Variants in RIPK2 observed in about 807,000 individuals in gnomAD.
The protein encoded by RIPK2 is receptor-interacting serine/threonine-protein kinase 2.
A neutral mutation model predicts 60.9 loss-of-function variants in RIPK2; 38 were observed. That is an observed-to-expected ratio of 0.62 (90% CI 0.48 to 0.82). The LOEUF is 0.82. Ranked by LOEUF, RIPK2 falls within the 40% of genes least tolerant of loss-of-function variation. RIPK2 has a pLI of 0.00. For synonymous variants in RIPK2, 225 were observed against 223.4 expected (o/e 1.01, Z -0.06); for missense variants, 518 against 647.0 (o/e 0.80, Z 2.16).
Position 89,788,777 on chromosome 8 carries a change from TAAGA to T in RIPK2, c.1124-539_1124-536del, listed in dbSNP as rs1366531933. ...TGGGTGGCAAAAGCAAAACTCCATC[TAAGA>T]AAGAGAGAGAGACAGAGAGAGAGAG... On this transcript the variant is annotated intron_variant, in intron 9 of 10. Coordinates refer to ENST00000220751, the MANE Select transcript of RIPK2 (RefSeq NM_003821.6). Among the ~76,000 whole-genome samples the T allele has an allele frequency of 1.2e-4, 17 of 146,160 alleles. No homozygotes were observed. The South Asian group carries it at 1.5e-3, about 13-fold the overall frequency.
chr8:89,777,579 G>A lies in RIPK2; in HGVS notation c.854-2496G>A, dbSNP rs2130569970. ...AGCTTTGTATCTAATAGTACAGTGT[G>A]AGTGTGTGTGTGTGTGTGTTTAATT... On this transcript the variant is annotated intron_variant, in intron 6 of 10. Coordinates refer to ENST00000220751, the MANE Select transcript of RIPK2 (RefSeq NM_003821.6). 5.3e-5 allele frequency among the ~76,000 whole-genome samples: 5 copies of A among 93,612 alleles called. No homozygotes were observed. In the South Asian group the frequency reaches 1.3e-3, roughly 24 times the overall value. 61.4% of individuals were successfully genotyped at this position (93,612 alleles called of 152,430 possible).
At chr8:89,762,222 T>G (rs1809158154) in intron 1 of RIPK2, among the ~76,000 whole-genome samples, 1 of 152,098 alleles carries the variant, frequency 6.6e-6, no homozygotes, top group African/African-American at 2.4e-5. Flanking sequence ...TACATATGAA[T>G]AAACAAATGA....
At position 89,786,632 on chromosome 8, in the gene RIPK2, TCTC is replaced by T. The variant is rs768228896; in HGVS notation, c.1072_1074del (p.Pro358del). The T allele has an allele frequency of 2.0e-5, 32 of 1,602,738 alleles. No homozygotes were observed. Among genetic ancestry groups the T allele is most frequent in the Non-Finnish European group, 2.6e-5 (31 of 1,172,328 alleles). On this transcript the variant is annotated inframe_deletion, in exon 9 of 11. Coordinates refer to ENST00000220751, the MANE Select transcript of RIPK2 (RefSeq NM_003821.6). ...CTCTCAGCTCCATGAAAATAGTGGTTCTCCTGAAACTTCAAGGTCCCTGCCAGC... is the reference window on the plus strand; with the variant it reads ...CTCTCAGCTCCATGAAAATAGTGGTTCTGAAACTTCAAGGTCCCTGCCAGC...
At chr8:89,779,706 T>C (rs1179553904) in intron 6 of RIPK2, among the ~76,000 whole-genome samples, 5 of 152,206 alleles carry the variant, frequency 3.3e-5, no homozygotes, top group Admixed American at 2.0e-4. Context: ...TTTTCTCCTA[T>C]GTTTACATTT....
At chr8:89,777,186 T>C (rs190802627) in intron 6 of RIPK2, among the ~76,000 whole-genome samples, 31 of 152,358 alleles carry the variant, frequency 2.0e-4, no homozygotes, top group Admixed American at 3.9e-4. Flanking sequence ...CACTGATCAG[T>C]ACAGGGTGAA....
At chr8:89,761,543 C>A (rs1809145054) in intron 1 of RIPK2, among the ~76,000 whole-genome samples, 1 of 152,028 alleles carries the variant, frequency 6.6e-6, no homozygotes, top group African/African-American at 2.4e-5. Context: ...TTCTACTAAT[C>A]CTACATCTTG....
At chr8:89,787,151 G>A (rs1175270991) in intron 9 of RIPK2, among the ~76,000 whole-genome samples, 1 of 152,122 alleles carries the variant, frequency 6.6e-6, no homozygotes, top group East Asian at 1.9e-4. Flanking sequence ...GCGACAGAGT[G>A]AGACTCTGTG....
intron 3 of RIPK2, among the ~76,000 whole-genome samples, chr8:89,768,304 CT>C (rs5893111): frequency 0.41 from 62,244 of 151,338 alleles, 13,207 homozygotes; most frequent in Non-Finnish European, 0.48. Flanking sequence ...CTCTTAAGAC[CT>C]TTTTGAATGT....
intron 4 of RIPK2, 26 bp from the exon 5 acceptor site, chr8:89,771,715 A>G (rs757182763): frequency 2.0e-6 from 3 of 1,519,476 alleles, no homozygotes; most frequent in South Asian, 2.3e-5. Context: ...TAAAATATGT[A>G]ACATGTATGT....
At chr8:89,776,757 GT>G (rs574723449) in intron 6 of RIPK2, among the ~76,000 whole-genome samples, 90 of 152,300 alleles carry the variant, frequency 5.9e-4, no homozygotes, top group African/African-American at 2.1e-3. Context: ...GTGGTATTTA[GT>G]GTCTAGTTTG....
At position 89,765,500 on chromosome 8, in the gene RIPK2, A is replaced by G. The variant is rs749490673; in HGVS notation, c.483+4A>G. 3 of 1,550,564 alleles carry G rather than the reference A, an allele frequency of 1.9e-6. No homozygotes were observed. Among genetic ancestry groups the G allele is most frequent in the Non-Finnish European group, 2.7e-6 (3 of 1,131,824 alleles). On this transcript the variant is annotated splice_donor_region_variant and intron_variant, in intron 3 of 10. Transcript: ENST00000220751. ...GGACAATGAATTTCATGTTAAGGTAATTACTTTTTTAAAAAGTTTATGTTT... is the reference window on the plus strand; with the variant it reads ...GGACAATGAATTTCATGTTAAGGTAGTTACTTTTTTAAAAAGTTTATGTTT...
intron 1 of RIPK2, chr8:89,759,200 G>T (rs1036088966): frequency 4.6e-6 from 2 of 433,696 alleles, no homozygotes; most frequent in African/African-American, 4.0e-5. Context: ...GGTTTGTACA[G>T]GTTTTAAGGG....
chr8:89,772,421 T>C (rs578217413), intron 5 of RIPK2, among the ~76,000 whole-genome samples: 2 of 152,166 alleles, frequency 1.3e-5, no homozygotes, highest in South Asian at 2.1e-4. Flanking sequence ...ACAAATACTC[T>C]GTTGACCAAA....
Position 89,762,960 on chromosome 8 carries a change from C to T in RIPK2, c.305C>T (p.Ser102Leu), listed in dbSNP as rs537563371. 1 of 1,506,542 alleles carries T rather than the reference C, an allele frequency of 6.6e-7. No homozygotes were observed. Among genetic ancestry groups the T allele is most frequent in the South Asian group, 1.4e-5 (1 of 70,452 alleles). The allele number at this position is 1,506,542 out of a possible 1,614,324, so 93.3% of individuals were successfully genotyped here. The part of the protein sequence containing the change: ...GIVTEYMPNG[S>L]LNELLHRKTE... Reference sequence around the variant, plus strand: ...GTTACTGAATACATGCCAAATGGATCATTAAATGAACTCCTACATAGGGTA... The same window carrying T: ...GTTACTGAATACATGCCAAATGGATTATTAAATGAACTCCTACATAGGGTA... Residue 102 changes from serine (S) to leucine (L), a missense_variant, in exon 2 of 11, where the codon TCA (serine) becomes TTA (leucine). This residue lies in a region of RIPK2 where 448 missense variants were observed against 534.7 expected (regional missense o/e 0.84). Transcript: ENST00000220751.
chr8:89,790,510 G>T lies in RIPK2; in HGVS notation c.*94G>T, dbSNP rs934920033. ...TTATATAAAATCCGTGAGTATTAAA[G>T]CTTTATTGAAGGTTCTTTGGGTAAA... On this transcript the variant is annotated 3_prime_UTR_variant, in exon 11 of 11. Transcript: ENST00000220751. 2.2e-5 allele frequency: 20 copies of T among 889,488 alleles called. No individual in the cohort carries two copies. Among genetic ancestry groups the T allele is most frequent in the Non-Finnish European group, 3.2e-5 (19 of 600,642 alleles). 55.1% of individuals were successfully genotyped at this position (889,488 alleles called of 1,614,324 possible). A position where few individuals can be genotyped will look rare whatever the true frequency, so the allele number is the denominator to read the frequency against.
intron 1 of RIPK2, 71 bp downstream of exon 1, chr8:89,758,304 G>C: frequency 6.9e-7 from 1 of 1,450,522 alleles, no homozygotes; most frequent in Non-Finnish European, 9.2e-7. Context: ...TGACAAGCGG[G>C]CTCTAGAGCC....
intron 4 of RIPK2, 24 bp from the exon 5 acceptor site, chr8:89,771,716 AC>A (rs1238231584): frequency 2.0e-6 from 3 of 1,524,872 alleles, no homozygotes; most frequent in Non-Finnish European, 2.7e-6. Context: ...AAAATATGTA[AC>A]ATGTATGTTC....
At chr8:89,783,641 T>G (rs1809536206) in intron 7 of RIPK2, among the ~76,000 whole-genome samples, 1 of 152,182 alleles carries the variant, frequency 6.6e-6, no homozygotes, top group African/African-American at 2.4e-5. Context: ...ACAGGCACAG[T>G]GCCTAAAATG....
At position 89,762,580 on chromosome 8, in the gene RIPK2, A is replaced by G. The variant is rs73291441; in HGVS notation, c.174-249A>G. 2.0e-3 allele frequency among the ~76,000 whole-genome samples: 300 copies of G among 152,216 alleles called. 3 individuals are homozygous for G. The highest frequency in any genetic ancestry group is 6.8e-3 in the African/African-American group (284 of 41,542). On this transcript the variant is annotated intron_variant, in intron 1 of 10. Coordinates refer to ENST00000220751, the MANE Select transcript of RIPK2 (RefSeq NM_003821.6). The stretch of plus-strand genomic sequence containing the variant: ...CCTGGGATAAGTACAATAATAATAA[A>G]CCTGTGTTTAGCACTTTTACCTGTC...
Sources: gnomAD v4.1 joint callset for allele counts (sites outside exome capture counted in the v4.1 genomes callset) on GRCh38, gnomAD v4.1.1 for gene constraint, gnomAD v4.1.1 regional missense constraint, MANE v1.5 for transcripts, NCBI Gene and HGNC (gene_info 2026-07-23, HGNC 2026-07-21) for gene names.